ATP8B4: variants seen among roughly 807,000 people sequenced by gnomAD.
ATP8B4 encodes ATPase phospholipid transporting 8B4 (putative).
ATP8B4 carries 133 observed loss-of-function variants against 145.6 expected under a neutral mutation model. The observed-to-expected ratio is 0.91, with a 90% confidence interval of 0.79 to 1.05. ATP8B4 has a LOEUF of 1.05. ATP8B4 is among the 50% of genes least tolerant of loss of function. ATP8B4 has a pLI of 0.00. For synonymous variants in ATP8B4, 507 were observed against 492.9 expected (o/e 1.03, Z -0.38); for missense variants, 1,458 against 1,425.2 (o/e 1.02, Z -0.37).
chr15:49,996,591 G>A, intron 9 of ATP8B4, 86 bp downstream of exon 9: 1 of 1,108,798 alleles, frequency 9.0e-7, no homozygotes, highest in Non-Finnish European at 1.3e-6. Flanking sequence ...CAAATAAAAA[G>A]AAACATAAAT....
chr15:50,025,388 C>G (rs909244271), intron 6 of ATP8B4, among the ~76,000 whole-genome samples: 1 of 152,208 alleles, frequency 6.6e-6, no homozygotes, highest in Non-Finnish European at 1.5e-5. Context: ...CTGTCTGCCC[C>G]TGCTCTTCTC....
chr15:50,028,436 G>T (rs947047004), intron 6 of ATP8B4, among the ~76,000 whole-genome samples: 1 of 152,048 alleles, frequency 6.6e-6, no homozygotes, highest in Non-Finnish European at 1.5e-5. Context: ...TCCCAACTAG[G>T]CTCCCAAAAC....
intron 1 of ATP8B4, among the ~76,000 whole-genome samples, chr15:50,145,149 A>G (rs1265651664): frequency 6.6e-6 from 1 of 152,236 alleles, no homozygotes; most frequent in Non-Finnish European, 1.5e-5. Flanking sequence ...GGCTTTGACT[A>G]CTTTTTACTT....
chr15:49,911,659 A>T (rs539829336), intron 20 of ATP8B4, among the ~76,000 whole-genome samples: 24 of 152,278 alleles, frequency 1.6e-4, no homozygotes, highest in Non-Finnish European at 3.4e-4. Context: ...AGAACATTAG[A>T]TTTAAACTGG....
intron 10 of ATP8B4, among the ~76,000 whole-genome samples, chr15:49,984,869 G>A (rs75852688): frequency 1.3e-5 from 2 of 152,120 alleles, no homozygotes; most frequent in Non-Finnish European, 2.9e-5. Context: ...CCTAGAGACT[G>A]TTTAAATGAA....
intron 23 of ATP8B4, 57 bp from the exon 24 acceptor site, chr15:49,879,516 C>T: frequency 1.4e-6 from 2 of 1,448,808 alleles, no homozygotes; most frequent in Non-Finnish European, 1.9e-6. Context: ...TGAGAATATT[C>T]ACATTTAGGT....
chr15:50,077,584 G>A (rs1384316350), intron 2 of ATP8B4, among the ~76,000 whole-genome samples: 1 of 152,174 alleles, frequency 6.6e-6, no homozygotes, highest in Non-Finnish European at 1.5e-5. Context: ...CAGGGTGACA[G>A]GCCCAGGTTA....
intron 14 of ATP8B4, among the ~76,000 whole-genome samples, chr15:49,947,940 A>G (rs904079766): frequency 6.6e-6 from 1 of 152,222 alleles, no homozygotes; most frequent in African/African-American, 2.4e-5. Context: ...AAAATGGACC[A>G]TTATCTTACA....
intron 23 of ATP8B4, chr15:49,883,324 A>G (rs1011586807): frequency 3.9e-5 from 6 of 152,162 alleles, no homozygotes; most frequent in Admixed American, 3.9e-4. Context: ...CTCGCATTAC[A>G]AGCTACACTT....
chr15:50,028,265 T>C (rs1018313519), intron 6 of ATP8B4, among the ~76,000 whole-genome samples: 1 of 152,230 alleles, frequency 6.6e-6, no homozygotes, highest in African/African-American at 2.4e-5. Context: ...TCTTTTCCTT[T>C]TCCTTCCAGT....
intron 1 of ATP8B4, among the ~76,000 whole-genome samples, chr15:50,117,358 A>G (rs752319595): frequency 2.0e-5 from 3 of 152,186 alleles, no homozygotes; most frequent in Non-Finnish European, 4.4e-5. Flanking sequence ...CCAAACATAC[A>G]TTAAGTTTAA....
At chr15:50,072,861 C>T (rs958028436) in intron 3 of ATP8B4, among the ~76,000 whole-genome samples, 14 of 147,302 alleles carry the variant, frequency 9.5e-5, no homozygotes, top group Admixed American at 7.4e-4. Flanking sequence ...ACCTTGTGAT[C>T]TGCCCACCTT....
At chr15:50,158,951 A>G (rs2044473865) in intron 1 of ATP8B4, among the ~76,000 whole-genome samples, 1 of 152,220 alleles carries the variant, frequency 6.6e-6, no homozygotes, top group South Asian at 2.1e-4. Context: ...TCAAGTACCC[A>G]AGGACACAAA....
intron 14 of ATP8B4, among the ~76,000 whole-genome samples, chr15:49,949,298 G>A (rs918811854): frequency 2.0e-5 from 3 of 152,214 alleles, no homozygotes; most frequent in Admixed American, 6.5e-5. Flanking sequence ...TCCTATCCAT[G>A]AGCATGGAAT....
intron 3 of ATP8B4, among the ~76,000 whole-genome samples, chr15:50,057,422 G>C (rs1456954520): frequency 6.6e-6 from 1 of 152,204 alleles, no homozygotes; most frequent in Non-Finnish European, 1.5e-5. Context: ...CGTGAGCAAC[G>C]AGTCAGAAAC....
chr15:50,132,141 A>G (rs539552001), intron 1 of ATP8B4, among the ~76,000 whole-genome samples: 2 of 152,324 alleles, frequency 1.3e-5, no homozygotes, highest in East Asian at 3.9e-4. Flanking sequence ...TATTGGCAAT[A>G]TTTATTTAAG....
In ATP8B4 at chr15:49,953,403, T is replaced by C. The variant is rs534154155; in HGVS notation, c.1287+8574A>G. ...AAGCCAAATTCTATCCCTAAGTCTC[T>C]GGCTGGAGTTACTGGAGATCCTACA... On this transcript the variant is annotated intron_variant, in intron 14 of 27. Transcript: ENST00000284509. Among the ~76,000 whole-genome samples, 15 of 152,276 alleles carry C rather than the reference T, an allele frequency of 9.9e-5. No homozygotes were observed. The East Asian group carries it at 2.9e-3, about 30-fold the overall frequency.
At chr15:49,962,854 A>G (rs2044199074) in intron 13 of ATP8B4, among the ~76,000 whole-genome samples, 1 of 152,036 alleles carries the variant, frequency 6.6e-6, no homozygotes, top group East Asian at 1.9e-4. Context: ...CCCTTTCCCT[A>G]TTGTGAGTCA....
intron 6 of ATP8B4, among the ~76,000 whole-genome samples, chr15:50,026,468 T>C (rs941158489): frequency 6.6e-6 from 1 of 152,040 alleles, no homozygotes; most frequent in African/African-American, 2.4e-5. Flanking sequence ...TCAGACCTCA[T>C]GTGCAGAAGT....
Sources: gnomAD v4.1 joint callset for allele counts (sites outside exome capture counted in the v4.1 genomes callset) on GRCh38, gnomAD v4.1.1 for gene constraint, MANE v1.5 for transcripts, NCBI Gene and HGNC (gene_info 2026-07-23, HGNC 2026-07-21) for gene names.